Variants in HS6ST3 observed in about 807,000 individuals in gnomAD.
HS6ST3 encodes heparan-sulfate 6-O-sulfotransferase 3.
HS6ST3 carries 12 observed loss-of-function variants against 36.7 expected under a neutral mutation model. The ratio of observed to expected loss-of-function variants is 0.33; its 90% CI spans 0.21 to 0.53. HS6ST3 has a LOEUF of 0.53. Among genes scored for constraint, HS6ST3 ranks in the 20% least tolerant of loss-of-function variants. HS6ST3 has a pLI of 0.95. For missense variants in HS6ST3, 584 were observed against 640.9 expected (o/e 0.91, Z 0.96); for synonymous variants, 240 against 257.5 (o/e 0.93, Z 0.65).
In HS6ST3 at chr13:96,814,977, G is replaced by A. The variant is rs187031776; in HGVS notation, c.708-17513G>A. Among the ~76,000 whole-genome samples the A allele has an allele frequency of 1.9e-3, 293 of 152,260 alleles. 3 individuals carry two copies. Among genetic ancestry groups the A allele is most frequent in the Admixed American group, 2.4e-3 (36 of 15,286 alleles). On this transcript the variant is annotated intron_variant, in intron 1 of 1. Coordinates refer to ENST00000376705, the MANE Select transcript of HS6ST3 (RefSeq NM_153456.4). ...TATTGAAAAGACTCAGTTTATTAAT[G>A]TGTGCAGCTAGTGCCGGTCCCTTCT...
In HS6ST3 at chr13:96,091,533, A is replaced by G; in HGVS notation, c.671A>G (p.Glu224Gly). ...ACCAACTGCGTGCCGGCCATCATGG[A>G]GAAGAAGGACTGTCCCCGCAACCAC... ...ELTNCVPAIM[E>G]KKDCPRNHSH... The change falls in exon 1 of 2, where the codon GAG becomes GGG. Residue 224 changes from glutamate (E) to glycine (G), a missense_variant. Coordinates refer to ENST00000376705, the MANE Select transcript of HS6ST3 (RefSeq NM_153456.4). The G allele has an allele frequency of 6.3e-7, 1 of 1,589,782 alleles. No homozygotes were observed. The highest frequency in any genetic ancestry group is 8.5e-7 in the Non-Finnish European group (1 of 1,172,328).
intron 1 of HS6ST3, among the ~76,000 whole-genome samples, chr13:96,691,443 T>G (rs529011015): frequency 6.6e-6 from 1 of 152,156 alleles, no homozygotes; most frequent in Non-Finnish European, 1.5e-5. Context: ...GGACAATCAG[T>G]TGGAATTTAA....
At chr13:96,819,020 C>T (rs1330956763) in intron 1 of HS6ST3, among the ~76,000 whole-genome samples, 1 of 151,800 alleles carries the variant, frequency 6.6e-6, no homozygotes, top group Non-Finnish European at 1.5e-5. Context: ...AACAAACAAA[C>T]AGCAATAAAA....
intron 1 of HS6ST3, among the ~76,000 whole-genome samples, chr13:96,669,066 T>G (rs972334021): frequency 6.6e-6 from 1 of 152,172 alleles, no homozygotes; most frequent in African/African-American, 2.4e-5. Flanking sequence ...AAATATCACC[T>G]GATGTGCTAA....
intron 1 of HS6ST3, among the ~76,000 whole-genome samples, chr13:96,828,386 T>C (rs765162419): frequency 6.6e-6 from 1 of 152,202 alleles, no homozygotes; most frequent in Non-Finnish European, 1.5e-5. Context: ...ACATTTCTCA[T>C]TTTTTAGAAT....
At chr13:96,626,235 A>G (rs561947215) in intron 1 of HS6ST3, among the ~76,000 whole-genome samples, 1 of 152,246 alleles carries the variant, frequency 6.6e-6, no homozygotes, top group African/African-American at 2.4e-5. Flanking sequence ...ATATATTTCT[A>G]TGCTACAGTT....
At chr13:96,120,969 A>G (rs1039947479) in intron 1 of HS6ST3, among the ~76,000 whole-genome samples, 1 of 152,218 alleles carries the variant, frequency 6.6e-6, no homozygotes, top group African/African-American at 2.4e-5. Context: ...TTCTGAAGTG[A>G]TGAATAGCCA....
At chr13:96,350,843 G>A (rs1392510641) in intron 1 of HS6ST3, among the ~76,000 whole-genome samples, 1 of 152,120 alleles carries the variant, frequency 6.6e-6, no homozygotes, top group Admixed American at 6.5e-5. Context: ...TTACAGTGTA[G>A]CTTTCTTATT....
At chr13:96,322,400 A>T (rs75317756) in intron 1 of HS6ST3, among the ~76,000 whole-genome samples, 47 of 140,578 alleles carry the variant, frequency 3.3e-4, no homozygotes, top group African/African-American at 4.5e-4. Context: ...AAAAAAAAAA[A>T]ACAAGCATTA....
intron 1 of HS6ST3, among the ~76,000 whole-genome samples, chr13:96,635,629 G>T (rs1337262030): frequency 6.6e-6 from 1 of 152,098 alleles, no homozygotes; most frequent in Non-Finnish European, 1.5e-5. Context: ...TTATGCTTAT[G>T]CATCTGTGTT....
intron 1 of HS6ST3, among the ~76,000 whole-genome samples, chr13:96,773,987 C>T (rs2138509287): frequency 6.6e-6 from 1 of 152,304 alleles, no homozygotes; most frequent in South Asian, 2.1e-4. Flanking sequence ...AAGGAACAGG[C>T]AGCAATCTTT....
intron 1 of HS6ST3, among the ~76,000 whole-genome samples, chr13:96,265,210 C>T (rs1594737072): frequency 6.6e-6 from 1 of 151,874 alleles, no homozygotes; most frequent in Non-Finnish European, 1.5e-5. Flanking sequence ...AGGGTCTTGC[C>T]CTCTCACCCA....
chr13:96,735,183 T>A (rs1566441128), intron 1 of HS6ST3, among the ~76,000 whole-genome samples: 3 of 151,916 alleles, frequency 2.0e-5, no homozygotes, highest in African/African-American at 4.8e-5. Context: ...TGCACATTTT[T>A]AAAAAAGATT....
intron 1 of HS6ST3, among the ~76,000 whole-genome samples, chr13:96,706,814 T>C (rs1875439875): frequency 6.6e-6 from 1 of 152,136 alleles, no homozygotes; most frequent in African/African-American, 2.4e-5. Context: ...TGACTGAGTC[T>C]AGTTCTGATT....
intron 1 of HS6ST3, among the ~76,000 whole-genome samples, chr13:96,564,194 A>C (rs1456358209): frequency 6.6e-6 from 1 of 152,182 alleles, no homozygotes; most frequent in Non-Finnish European, 1.5e-5. Context: ...CTTCTGGCTG[A>C]TGCGTTTTGT....
At chr13:96,260,384 T>A (rs2054659406) in intron 1 of HS6ST3, among the ~76,000 whole-genome samples, 1 of 151,142 alleles carries the variant, frequency 6.6e-6, no homozygotes, top group Non-Finnish European at 1.5e-5. Flanking sequence ...CAATTTCGGC[T>A]CACTGCAAGC....
chr13:96,128,778 T>G (rs548435641), intron 1 of HS6ST3, among the ~76,000 whole-genome samples: 1 of 152,210 alleles, frequency 6.6e-6, no homozygotes, highest in South Asian at 2.1e-4. Flanking sequence ...AACTACCATT[T>G]AAAAATGTGA....
At chr13:96,312,630 T>G (rs2139409868) in intron 1 of HS6ST3, among the ~76,000 whole-genome samples, 1 of 152,308 alleles carries the variant, frequency 6.6e-6, no homozygotes, top group Non-Finnish European at 1.5e-5. Flanking sequence ...GGAATTTATG[T>G]TATTAGCTGT....
intron 1 of HS6ST3, among the ~76,000 whole-genome samples, chr13:96,558,916 T>G (rs892257482): frequency 6.6e-6 from 1 of 152,194 alleles, no homozygotes; most frequent in Non-Finnish European, 1.5e-5. Flanking sequence ...TGGGCAAGAT[T>G]CATTCTGATT....
Sources: gnomAD v4.1 joint callset for allele counts (sites outside exome capture counted in the v4.1 genomes callset) on GRCh38, gnomAD v4.1.1 for gene constraint, MANE v1.5 for transcripts, NCBI Gene and HGNC (gene_info 2026-07-23, HGNC 2026-07-21) for gene names.